The following STK32B variants were observed in gnomAD, a reference collection of about 807,000 sequenced individuals.
STK32B encodes serine/threonine kinase 32B.
STK32B carries 43 observed loss-of-function variants against 52.6 expected under a neutral mutation model. The ratio of observed to expected loss-of-function variants is 0.82; its 90% CI spans 0.64 to 1.05. The LOEUF is 1.05. Ranked by LOEUF, STK32B falls within the 50% of genes least tolerant of loss-of-function variation. The pLI is 0.00. For synonymous variants in STK32B, 238 were observed against 204.3 expected (o/e 1.17, Z -1.41); for missense variants, 621 against 534.6 (o/e 1.16, Z -1.59).
intron 3 of STK32B, among the ~76,000 whole-genome samples, chr4:5,283,081 T>G: frequency 6.6e-6 from 1 of 152,102 alleles, no homozygotes; most frequent in Non-Finnish European, 1.5e-5. Flanking sequence ...TCTCCTTCCC[T>G]GACCACCCCT....
At chr4:5,229,225 T>A (rs1032508579) in intron 3 of STK32B, among the ~76,000 whole-genome samples, 2 of 151,626 alleles carry the variant, frequency 1.3e-5, no homozygotes, top group African/African-American at 4.8e-5. Flanking sequence ...ATATTTAGTT[T>A]TTTTTTTCCT....
intron 3 of STK32B, among the ~76,000 whole-genome samples, chr4:5,249,044 T>C (rs1268006369): frequency 1.3e-5 from 2 of 152,018 alleles, no homozygotes; most frequent in Non-Finnish European, 2.9e-5. Flanking sequence ...AACCTGCACA[T>C]TGTGCACATG....
chr4:5,367,784 G>T (rs1012645310), intron 4 of STK32B, among the ~76,000 whole-genome samples: 1 of 152,072 alleles, frequency 6.6e-6, no homozygotes, highest in African/African-American at 2.4e-5. Flanking sequence ...TTCTCTGCTG[G>T]ACAGCAGAGC....
intron 3 of STK32B, among the ~76,000 whole-genome samples, chr4:5,229,764 A>G (rs765592301): frequency 6.6e-6 from 1 of 152,156 alleles, no homozygotes; most frequent in Non-Finnish European, 1.5e-5. Flanking sequence ...TATTTCCTAA[A>G]CGAACACAAA....
intron 8 of STK32B, among the ~76,000 whole-genome samples, chr4:5,459,628 A>G (rs897642332): frequency 2.0e-5 from 3 of 152,240 alleles, no homozygotes; most frequent in African/African-American, 7.2e-5. Flanking sequence ...GAAGCTAAAA[A>G]GTGTCCCCTT....
chr4:5,138,529 AG>A (rs1716214972), intron 1 of STK32B, among the ~76,000 whole-genome samples: 1 of 152,178 alleles, frequency 6.6e-6, no homozygotes, highest in East Asian at 1.9e-4. Flanking sequence ...TAGTTCATTC[AG>A]TCATTCCTCC....
intron 4 of STK32B, among the ~76,000 whole-genome samples, chr4:5,353,777 G>C (rs1417907897): frequency 1.3e-5 from 2 of 152,130 alleles, no homozygotes; most frequent in Non-Finnish European, 2.9e-5. Flanking sequence ...AGAGACCTCT[G>C]ATACACTGTT....
chr4:5,196,175 C>T (rs1036698893), intron 3 of STK32B, among the ~76,000 whole-genome samples: 1 of 151,996 alleles, frequency 6.6e-6, no homozygotes, highest in Admixed American at 6.6e-5. Context: ...CTCTGCGTTC[C>T]ACAGGCACCT....
intron 3 of STK32B, among the ~76,000 whole-genome samples, chr4:5,241,656 A>T (rs913500152): frequency 2.0e-5 from 3 of 152,066 alleles, no homozygotes; most frequent in Admixed American, 1.3e-4. Context: ...TACATGTGCC[A>T]TGTTGGTGTG....
intron 5 of STK32B, among the ~76,000 whole-genome samples, chr4:5,410,705 A>G (rs1711588956): frequency 6.6e-6 from 1 of 152,206 alleles, no homozygotes; most frequent in Non-Finnish European, 1.5e-5. Context: ...ATCAAGAGTT[A>G]AAATGGAATG....
At chr4:5,106,329 A>G (rs548828660) in intron 1 of STK32B, among the ~76,000 whole-genome samples, 123 of 152,314 alleles carry the variant, frequency 8.1e-4, no homozygotes, top group Middle Eastern at 6.8e-3. Flanking sequence ...TTAATCGTAG[A>G]GGACATCCTT....
chr4:5,226,519 C>A (rs374827318), intron 3 of STK32B, among the ~76,000 whole-genome samples: 1 of 152,182 alleles, frequency 6.6e-6, no homozygotes, highest in Non-Finnish European at 1.5e-5. Context: ...CCGTCCATCC[C>A]ACCTGGGACG....
intron 6 of STK32B, among the ~76,000 whole-genome samples, chr4:5,423,259 G>A (rs1712796840): frequency 6.6e-6 from 1 of 152,082 alleles, no homozygotes; most frequent in South Asian, 2.1e-4. Flanking sequence ...AGGCAGCTGG[G>A]TGTCTTCCAC....
At chr4:5,178,644 C>T (rs1244593913) in intron 3 of STK32B, among the ~76,000 whole-genome samples, 1 of 152,240 alleles carries the variant, frequency 6.6e-6, no homozygotes, top group Non-Finnish European at 1.5e-5. Flanking sequence ...GAAATTTCTT[C>T]TGCCAGATAC....
At chr4:5,182,656 A>G (rs1427812158) in intron 3 of STK32B, among the ~76,000 whole-genome samples, 1 of 152,012 alleles carries the variant, frequency 6.6e-6, no homozygotes, top group East Asian at 1.9e-4. Context: ...ATGGGGTTTC[A>G]CCATGTTGGC....
intron 3 of STK32B, among the ~76,000 whole-genome samples, chr4:5,196,313 C>G (rs928829715): frequency 2.7e-5 from 4 of 148,530 alleles, no homozygotes; most frequent in African/African-American, 9.9e-5. Context: ...CCTCTCTTTC[C>G]TCTCCTCTCT....
At chr4:5,021,280 G>A in the STK32B span, among the ~76,000 whole-genome samples, 1 of 152,260 alleles carries the variant, frequency 6.6e-6, no homozygotes, top group African/African-American at 2.4e-5. Flanking sequence ...GGCAGGGACT[G>A]TAAGCTGTGC....
chr4:5,491,502 T>C (rs990537934), intron 11 of STK32B, among the ~76,000 whole-genome samples: 1 of 152,116 alleles, frequency 6.6e-6, no homozygotes, highest in South Asian at 2.1e-4. Flanking sequence ...GAGTAGGTTG[T>C]GAAAATTTTC....
chr4:5,129,314 A>T (rs1227851679), intron 1 of STK32B, among the ~76,000 whole-genome samples: 1 of 152,040 alleles, frequency 6.6e-6, no homozygotes, highest in Non-Finnish European at 1.5e-5. Context: ...TTGGAGTCCA[A>T]CCTAGGTCTG....
Sources: allele counts gnomAD v4.1 joint callset (sites outside exome capture counted in the v4.1 genomes callset), GRCh38; gene constraint gnomAD v4.1.1; transcripts MANE v1.5; gene names NCBI Gene and HGNC (gene_info 2026-07-23, HGNC 2026-07-21).